GSTA2: variants seen among roughly 807,000 people sequenced by gnomAD.
The protein encoded by GSTA2 is glutathione S-transferase A2.
In GSTA2, 27 loss-of-function variants were observed where a neutral mutation model predicts 22.4. The ratio of observed to expected loss-of-function variants is 1.21; its 90% confidence interval spans 0.89 to 1.67. GSTA2 has a LOEUF of 1.67. Ranked by LOEUF, GSTA2 falls within the 40% of genes most tolerant of loss-of-function variation. The probability of loss-of-function intolerance (pLI) is 0.00; values close to 1 mark genes in which losing one functional copy is unlikely to be tolerated. For synonymous variants in GSTA2, 121 were observed against 86.8 expected (o/e 1.39, Z -2.19); for missense variants, 302 against 260.2 (o/e 1.16, Z -1.11).
chr6:52,752,675 A>T (rs765416824), intron 5 of GSTA2, among the ~76,000 whole-genome samples, 179 bp downstream of exon 5: 35 of 152,228 alleles, frequency 2.3e-4, no homozygotes, highest in Non-Finnish European at 4.3e-4. Flanking sequence ...GCTTGGGTAT[A>T]AGTGATACAA....
In GSTA2 at chr6:52,751,621, C is replaced by A. The variant is rs762307347; in HGVS notation, c.502G>T (p.Glu168Ter). 1.2e-5 allele frequency: 20 copies of A among 1,614,128 alleles called. No individual in the cohort carries two copies. Among genetic ancestry groups the A allele is most frequent in the Non-Finnish European group, 1.6e-5 (19 of 1,180,014 alleles). ...GAAATAAGGCTAGAGTCAAGCTCTTCCACGTAGTAGAGAAGTTCCACCAGG... is the reference window on the plus strand; with the variant it reads ...GAAATAAGGCTAGAGTCAAGCTCTTACACGTAGTAGAGAAGTTCCACCAGG... ...IHLVELLYYV[E>*]ELDSSLISSF... is the part of the protein sequence containing the mutation. The change falls in exon 6 of 7, where the codon GAA becomes TAA. Residue 168 changes from glutamate to a stop codon, truncating the protein, a stop_gained. Coordinates refer to ENST00000493422, the MANE Select transcript of GSTA2 (RefSeq NM_000846.5). LOFTEE classifies it low-confidence loss of function (END_TRUNC).
At chr6:52,754,233 A>T (rs1305790545) in intron 4 of GSTA2, among the ~76,000 whole-genome samples, 1 of 152,058 alleles carries the variant, frequency 6.6e-6, no homozygotes, top group African/African-American at 2.4e-5. Context: ...TTGTTTGGGG[A>T]TATACTTGTT....
At chr6:52,752,648 T>C (rs554907842) in intron 5 of GSTA2, among the ~76,000 whole-genome samples, 1 of 152,298 alleles carries the variant, frequency 6.6e-6, no homozygotes, top group East Asian at 1.9e-4. Context: ...AAATTAAAAT[T>C]TTACTGGAAG....
chr6:52,751,734 G>A, intron 5 of GSTA2, 26 bp from the exon 6 acceptor site: 1 of 1,614,060 alleles, frequency 6.2e-7, no homozygotes, highest in East Asian at 2.2e-5. Flanking sequence ...AATCAGATCA[G>A]GAACACATGC....
intron 2 of GSTA2, 31 bp downstream of exon 2, chr6:52,757,830 C>G: frequency 6.4e-7 from 1 of 1,573,402 alleles, no homozygotes; most frequent in Non-Finnish European, 8.7e-7. Context: ...AATCGTAAAT[C>G]TGACTTAAGA....
At chr6:52,756,882 C>T (rs1355194171) in intron 2 of GSTA2, among the ~76,000 whole-genome samples, 20 of 152,086 alleles carry the variant, frequency 1.3e-4, no homozygotes, top group Admixed American at 1.3e-3. Context: ...GTAAAATTCT[C>T]AATTTAATAA....
At chr6:52,759,930 T>C (rs1007354376) in intron 1 of GSTA2, among the ~76,000 whole-genome samples, 51 of 152,202 alleles carry the variant, frequency 3.4e-4, no homozygotes, top group Non-Finnish European at 5.9e-5. Flanking sequence ...AAATTAGGCA[T>C]CAAAATCTTT....
chr6:52,757,943 G>A lies in GSTA2; in HGVS notation c.5C>T (p.Ala2Val), dbSNP rs1247283403. The change falls in exon 2 of 7, where the codon GCA (alanine) becomes GTA (valine). Residue 2 changes from alanine to valine, a missense_variant. Transcript: ENST00000493422. Reference protein sequence around the residue: MAEKPKLHYSNI... With the variant: MVEKPKLHYSNI... ...GGAGTAGTGGAGCTTGGGCTTCTCT[G>A]CCATGGTAGCAGTCTCCTGGAGGTT... The A allele has an allele frequency of 4.3e-6, 7 of 1,611,950 alleles. No individual in the cohort carries two copies. Among genetic ancestry groups the A allele is most frequent in the Middle Eastern group, 1.7e-4 (1 of 6,048 alleles).
rs1415506097 is a variant in GSTA2, at chr6:52,752,892, CTTGGATCAAGGCAAGCTTGG to C, written c.356_375del (p.Ala119GlyfsTer12). 6.2e-7 allele frequency: 1 copy of C among 1,614,020 alleles called. No homozygotes were observed. ...GGGAAGTAGCGATTTTTTGTTTTCT[CTTGGATCAAGGCAAGCTTGG>C]CATCTTGTTCCTCAGGTTGACTAAA... On this transcript the variant is annotated frameshift_variant, in exon 5 of 7. Transcript: ENST00000493422. LOFTEE classifies it high-confidence loss of function.
intron 5 of GSTA2, among the ~76,000 whole-genome samples, chr6:52,752,283 A>G (rs769751647): frequency 7.2e-5 from 11 of 152,178 alleles, no homozygotes; most frequent in Non-Finnish European, 1.3e-4. Flanking sequence ...AAATGGCACT[A>G]TGTTATAATC....
chr6:52,758,389 C>T (rs1486828020), intron 1 of GSTA2, among the ~76,000 whole-genome samples: 1 of 152,142 alleles, frequency 6.6e-6, no homozygotes, highest in Non-Finnish European at 1.5e-5. Flanking sequence ...ATGATTATCT[C>T]CATTTTTTCG....
Position 52,754,974 on chromosome 6 carries a change from G to A in GSTA2, c.241C>T (p.Leu81Phe), listed in dbSNP as rs749749908. ...ILNYIASKYN[L>F]YGKDIKEKAL... ...TTCTCCTTTATGTCTTTCCCATAGA[G>A]GTTGTATTTGCTGGCAATGTAGTTG... Residue 81 changes from leucine (L) to phenylalanine (F), a missense_variant, in exon 4 of 7, where the codon CTC becomes TTC. Leu to Phe is a conservative substitution (Grantham distance 22). Coordinates refer to ENST00000493422, the MANE Select transcript of GSTA2 (RefSeq NM_000846.5). 6.2e-7 allele frequency: 1 copy of A among 1,614,048 alleles called. No homozygotes were observed. Among genetic ancestry groups the A allele is most frequent in the Admixed American group, 1.7e-5 (1 of 60,008 alleles).
At chr6:52,762,586 T>A (rs1401049513) in intron 1 of GSTA2, among the ~76,000 whole-genome samples, 1 of 152,102 alleles carries the variant, frequency 6.6e-6, no homozygotes, top group Admixed American at 6.6e-5. Flanking sequence ...TCCTGCCACA[T>A]CCCCCTCTCT....
At chr6:52,756,728 T>G (rs1477025732) in intron 2 of GSTA2, among the ~76,000 whole-genome samples, 1 of 152,238 alleles carries the variant, frequency 6.6e-6, no homozygotes, top group Non-Finnish European at 1.5e-5. Flanking sequence ...CATCAAATAT[T>G]CTGCCACCAA....
intron 4 of GSTA2, 140 bp downstream of exon 4, chr6:52,754,803 G>T: frequency 1.8e-6 from 2 of 1,081,720 alleles, no homozygotes; most frequent in Non-Finnish European, 2.7e-6. Flanking sequence ...ATGGGACTCT[G>T]CAATACTGGA....
intron 1 of GSTA2, among the ~76,000 whole-genome samples, chr6:52,759,476 A>G (rs1456625043): frequency 6.6e-6 from 1 of 151,446 alleles, no homozygotes; most frequent in Non-Finnish European, 1.5e-5. Context: ...CTCTGTTATT[A>G]AACATTAAGA....
chr6:52,761,684 A>G (rs552265861), intron 1 of GSTA2, among the ~76,000 whole-genome samples: 2 of 150,554 alleles, frequency 1.3e-5, no homozygotes, highest in South Asian at 4.1e-4. Flanking sequence ...TAGCCCCATG[A>G]GGTCATGTAG....
At chr6:52,757,743 G>A in intron 2 of GSTA2, 118 bp downstream of exon 2, 2 of 869,384 alleles carry the variant, frequency 2.3e-6, no homozygotes, top group Non-Finnish European at 3.8e-6. Context: ...CTTAATTACA[G>A]TCCCTTTTTA....
intron 1 of GSTA2, among the ~76,000 whole-genome samples, chr6:52,759,229 G>A (rs1339815530): frequency 2.0e-5 from 3 of 152,168 alleles, no homozygotes; most frequent in Admixed American, 1.3e-4. Context: ...TGCTCACTTG[G>A]TCATTGTAAA....
Sources: allele counts gnomAD v4.1 joint callset (sites outside exome capture counted in the v4.1 genomes callset), GRCh38; gene constraint gnomAD v4.1.1; transcripts MANE v1.5; gene names NCBI Gene and HGNC (gene_info 2026-07-23, HGNC 2026-07-21).